Variants in NCKAP5 observed in about 807,000 individuals in gnomAD.
NCKAP5 encodes NCK associated protein 5.
A neutral mutation model predicts 167.0 loss-of-function variants in NCKAP5; 92 were observed. The ratio of observed to expected loss-of-function variants is 0.55; its 90% CI spans 0.47 to 0.66. NCKAP5 has a LOEUF of 0.66. Among genes scored for constraint, NCKAP5 ranks in the 30% least tolerant of loss-of-function variants. The pLI is 0.00. For missense variants in NCKAP5, 2,378 were observed against 2,315.0 expected (o/e 1.03, Z -0.56); for synonymous variants, 891 against 877.4 (o/e 1.02, Z -0.27).
the NCKAP5 span, among the ~76,000 whole-genome samples, chr2:133,625,611 AGAATAATAAGTCACTTTGGG>A: frequency 6.6e-6 from 1 of 152,128 alleles, no homozygotes; most frequent in East Asian, 1.9e-4. Flanking sequence ...AGCAGCAATA[AGAATAATAAGTCACTTTGGG>A]AGGCCGAGAC....
intron 11 of NCKAP5, among the ~76,000 whole-genome samples, chr2:132,833,977 T>G (rs1687703718): frequency 6.6e-6 from 1 of 152,210 alleles, no homozygotes; most frequent in Non-Finnish European, 1.5e-5. Flanking sequence ...TTAATTCTGC[T>G]TATCCCTGAG....
intron 11 of NCKAP5, among the ~76,000 whole-genome samples, chr2:132,818,579 T>C (rs1434596438): frequency 6.6e-6 from 1 of 152,146 alleles, no homozygotes; most frequent in Admixed American, 6.5e-5. Flanking sequence ...TCCCAGCTAC[T>C]GGGGAGTGTG....
upstream of NCKAP5, among the ~76,000 whole-genome samples, chr2:133,572,700 G>A (rs1291637755): frequency 6.6e-6 from 1 of 152,174 alleles, no homozygotes; most frequent in South Asian, 2.1e-4. Flanking sequence ...AGTCTGCTCT[G>A]TAAGAGTTAA....
Position 132,854,814 on chromosome 2 carries a change from G to C in NCKAP5, c.807+5678C>G, listed in dbSNP as rs1689335413. Among the ~76,000 whole-genome samples the C allele has an allele frequency of 2.0e-5, 3 of 152,314 alleles. No homozygotes were observed. In the South Asian group the frequency reaches 6.2e-4, roughly 32 times the overall value. ...ATTTGGTAATCGAATGAAGAGGAGT[G>C]GCAGGGGTGGGGTGGGCAGGAGTAG... On this transcript the variant is annotated intron_variant, in intron 11 of 19. Transcript: ENST00000409261.
intron 6 of NCKAP5, among the ~76,000 whole-genome samples, chr2:133,024,724 T>C (rs920478600): frequency 6.6e-6 from 1 of 152,234 alleles, no homozygotes; most frequent in African/African-American, 2.4e-5. Context: ...GCTTTCTAGC[T>C]TGCGCTCATA....
At chr2:132,676,244 GC>G (rs558359660) in intron 19 of NCKAP5, among the ~76,000 whole-genome samples, 122 of 139,024 alleles carry the variant, frequency 8.8e-4, no homozygotes, top group African/African-American at 3.2e-3. Flanking sequence ...TGCAATCTTT[GC>G]ACTGTTTGAG....
At position 132,763,246 on chromosome 2, in the gene NCKAP5, AAGCTC is replaced by A. The variant is rs1681165497; in HGVS notation, c.5128+10565_5128+10569del. Among the ~76,000 whole-genome samples the A allele has an allele frequency of 2.6e-5, 4 of 152,176 alleles. No individual in the cohort carries two copies. In the South Asian group the frequency reaches 8.3e-4, roughly 32 times the overall value. On this transcript the variant is annotated intron_variant, in intron 16 of 19. Coordinates refer to ENST00000409261, the MANE Select transcript of NCKAP5 (RefSeq NM_207363.3). The stretch of plus-strand genomic sequence containing the variant: ...TCTGTAGGGCTAAGTTCAAATATCT[AAGCTC>A]GGCTTTCAAGGTCTCTACCATCTGG...
intron 11 of NCKAP5, among the ~76,000 whole-genome samples, chr2:132,856,032 C>T (rs1689437634): frequency 2.0e-5 from 3 of 151,940 alleles, no homozygotes; most frequent in South Asian, 2.1e-4. Context: ...GGCATGGTGG[C>T]GGGCGCCTGT....
chr2:133,213,180 C>A (rs546338972), intron 5 of NCKAP5, among the ~76,000 whole-genome samples: 1 of 152,030 alleles, frequency 6.6e-6, no homozygotes, highest in Admixed American at 6.6e-5. Flanking sequence ...TGCTATGGAC[C>A]AAAATAACTG....
At chr2:133,350,155 T>C (rs890161443) in intron 3 of NCKAP5, among the ~76,000 whole-genome samples, 1 of 152,172 alleles carries the variant, frequency 6.6e-6, no homozygotes, top group Non-Finnish European at 1.5e-5. Flanking sequence ...TTCATGCCTA[T>C]GGTTCCAGAA....
At chr2:133,039,814 C>T (rs186362823) in intron 6 of NCKAP5, among the ~76,000 whole-genome samples, 3 of 152,148 alleles carry the variant, frequency 2.0e-5, no homozygotes, top group Non-Finnish European at 2.9e-5. Context: ...AACCACACTC[C>T]GGAAAACACT....
At chr2:133,442,303 G>T (rs535705462) in intron 3 of NCKAP5, among the ~76,000 whole-genome samples, 1 of 152,274 alleles carries the variant, frequency 6.6e-6, no homozygotes, top group Non-Finnish European at 1.5e-5. Flanking sequence ...AGGAGGCAGT[G>T]GTTCTGACAA....
the NCKAP5 span, among the ~76,000 whole-genome samples, chr2:133,633,814 G>C: frequency 1.3e-5 from 2 of 152,188 alleles, no homozygotes; most frequent in Non-Finnish European, 2.9e-5. Context: ...TAAATAGCAG[G>C]CATCTAAAAG....
At chr2:132,961,848 T>C (rs1188826278) in intron 8 of NCKAP5, among the ~76,000 whole-genome samples, 1 of 152,242 alleles carries the variant, frequency 6.6e-6, no homozygotes, top group Admixed American at 6.5e-5. Context: ...GAGTAAGAAA[T>C]GATAATATCA....
At chr2:132,918,583 T>C (rs1488990063) in intron 8 of NCKAP5, among the ~76,000 whole-genome samples, 2 of 152,162 alleles carry the variant, frequency 1.3e-5, no homozygotes, top group Non-Finnish European at 2.9e-5. Context: ...ATAATGATGA[T>C]GACATTACAA....
At chr2:133,597,075 C>G in the NCKAP5 span, among the ~76,000 whole-genome samples, 1 of 152,202 alleles carries the variant, frequency 6.6e-6, no homozygotes, top group Admixed American at 6.5e-5. Context: ...CTCTCCTAAT[C>G]AAATTGCCAG....
In NCKAP5 at chr2:133,559,055, T is replaced by C. The variant is rs1687972288; in HGVS notation, c.-67A>G. Reference sequence around the variant, plus strand: ...AACGTATTAATACTACTTACATGTATTGTGAGTCTATTTTGGTACAGGCAC... The same window carrying C: ...AACGTATTAATACTACTTACATGTACTGTGAGTCTATTTTGGTACAGGCAC... On this transcript the variant is annotated 5_prime_UTR_variant, in exon 2 of 20. Coordinates refer to ENST00000409261, the MANE Select transcript of NCKAP5 (RefSeq NM_207363.3). 1 of 152,140 alleles carries C rather than the reference T, an allele frequency of 6.6e-6. No individual in the cohort carries two copies. Among genetic ancestry groups the C allele is most frequent in the Non-Finnish European group, 1.5e-5 (1 of 68,014 alleles). 9.4% of individuals were successfully genotyped at this position (152,140 alleles called of 1,614,324 possible).
chr2:132,997,803 T>TG (rs2077649592), intron 6 of NCKAP5, among the ~76,000 whole-genome samples: 1 of 123,120 alleles, frequency 8.1e-6, no homozygotes, highest in African/African-American at 3.0e-5. Flanking sequence ...TAAGCTTATG[T>TG]GAAAAAAAAA....
intron 8 of NCKAP5, among the ~76,000 whole-genome samples, chr2:132,885,731 G>A (rs1036252286): frequency 3.3e-5 from 5 of 152,164 alleles, no homozygotes; most frequent in African/African-American, 9.7e-5. Flanking sequence ...TGGAACTTAC[G>A]AATGATTGAA....
Sources: gnomAD v4.1 joint callset for allele counts (sites outside exome capture counted in the v4.1 genomes callset) on GRCh38, gnomAD v4.1.1 for gene constraint, MANE v1.5 for transcripts, NCBI Gene and HGNC (gene_info 2026-07-23, HGNC 2026-07-21) for gene names.